Variants in PRKG1 observed in about 807,000 individuals in gnomAD.
The protein encoded by PRKG1 is cGMP-dependent protein kinase 1.
PRKG1 carries 35 observed loss-of-function variants against 88.1 expected under a neutral mutation model. The ratio of observed to expected loss-of-function variants is 0.40; its 90% confidence interval spans 0.30 to 0.53. PRKG1 has a LOEUF of 0.53. Ranked by LOEUF, PRKG1 falls within the 20% of genes least tolerant of loss-of-function variation. The pLI is 0.59. For synonymous variants in PRKG1, 303 were observed against 292.5 expected (o/e 1.04, Z -0.37); for missense variants, 540 against 839.8 (o/e 0.64, Z 4.41).
chr10:52,227,574 T>A (rs958761910), intron 9 of PRKG1, among the ~76,000 whole-genome samples: 3 of 152,144 alleles, frequency 2.0e-5, no homozygotes, highest in African/African-American at 7.2e-5. Flanking sequence ...CCATTTTATA[T>A]CAGGGACTTG....
chr10:51,298,065 C>A (rs1414323612), intron 2 of PRKG1, among the ~76,000 whole-genome samples: 2 of 152,056 alleles, frequency 1.3e-5, no homozygotes, highest in Non-Finnish European at 2.9e-5. Context: ...TAAGCACTTA[C>A]TATATTAGGC....
At chr10:51,322,107 A>G (rs919291469) in intron 2 of PRKG1, among the ~76,000 whole-genome samples, 6 of 152,146 alleles carry the variant, frequency 3.9e-5, no homozygotes, top group African/African-American at 1.4e-4. Context: ...AGGATTGTGC[A>G]ATTTCCACCT....
chr10:52,110,619 G>A (rs1158515973), intron 7 of PRKG1, among the ~76,000 whole-genome samples: 1 of 152,134 alleles, frequency 6.6e-6, no homozygotes, highest in East Asian at 1.9e-4. Flanking sequence ...GGGAGATCCA[G>A]TTTGCTTTTT....
chr10:51,416,465 C>G (rs943560701), intron 2 of PRKG1, among the ~76,000 whole-genome samples: 1 of 151,900 alleles, frequency 6.6e-6, no homozygotes, highest in Non-Finnish European at 1.5e-5. Context: ...ATTAAAGATC[C>G]GAAATAGTGT....
chr10:51,279,346 T>A (rs1020290862), intron 2 of PRKG1, among the ~76,000 whole-genome samples: 1 of 152,212 alleles, frequency 6.6e-6, no homozygotes, highest in Non-Finnish European at 1.5e-5. Context: ...CTGTTCTTTT[T>A]CATTTACTGA....
chr10:51,515,340 T>G (rs1841546735), intron 3 of PRKG1, among the ~76,000 whole-genome samples: 1 of 152,224 alleles, frequency 6.6e-6, no homozygotes, highest in Non-Finnish European at 1.5e-5. Flanking sequence ...TGGATCATTT[T>G]TATCGATAAA....
At chr10:51,720,465 G>A (rs10999076) in intron 3 of PRKG1, among the ~76,000 whole-genome samples, 67,285 of 152,072 alleles carry the variant, frequency 0.44, 15,498 homozygotes, top group Middle Eastern at 0.58. Flanking sequence ...GTCATGTCCT[G>A]TGCGAAGAGT....
At chr10:51,490,685 C>T (rs182207971) in intron 3 of PRKG1, among the ~76,000 whole-genome samples, 8 of 152,114 alleles carry the variant, frequency 5.3e-5, no homozygotes, top group African/African-American at 7.2e-5. Context: ...TTTCATAGAT[C>T]GTTCTGAAAA....
At chr10:51,530,268 G>T (rs1232636749) in intron 3 of PRKG1, among the ~76,000 whole-genome samples, 1 of 152,036 alleles carries the variant, frequency 6.6e-6, no homozygotes, top group Admixed American at 6.6e-5. Flanking sequence ...AATTTTCCTG[G>T]TATCTAAACA....
chr10:51,394,693 C>G (rs1837530755), intron 2 of PRKG1, among the ~76,000 whole-genome samples: 1 of 152,214 alleles, frequency 6.6e-6, no homozygotes, highest in Admixed American at 6.5e-5. Flanking sequence ...ATTTATTTCT[C>G]ATGCTTTACT....
chr10:51,578,868 T>C (rs770814713), intron 3 of PRKG1, among the ~76,000 whole-genome samples: 4 of 151,868 alleles, frequency 2.6e-5, no homozygotes, highest in Non-Finnish European at 4.4e-5. Context: ...GGACCAACCA[T>C]AGACCATATA....
At chr10:51,360,235 T>A (rs2132584982) in intron 2 of PRKG1, among the ~76,000 whole-genome samples, 1 of 152,002 alleles carries the variant, frequency 6.6e-6, no homozygotes, top group Non-Finnish European at 1.5e-5. Context: ...CACTGTTACA[T>A]TATGCAGCAT....
chr10:51,677,037 A>T (rs905840081), intron 3 of PRKG1, among the ~76,000 whole-genome samples: 2 of 152,072 alleles, frequency 1.3e-5, no homozygotes, highest in Non-Finnish European at 2.9e-5. Flanking sequence ...GTGCCCTCCC[A>T]ATAATTACCC....
At chr10:51,356,744 A>T (rs1842373634) in intron 2 of PRKG1, among the ~76,000 whole-genome samples, 1 of 151,952 alleles carries the variant, frequency 6.6e-6, no homozygotes, top group South Asian at 2.1e-4. Flanking sequence ...ATAAACTTTA[A>T]ATAAATGCTT....
chr10:51,389,886 C>T (rs1013530035), intron 2 of PRKG1, among the ~76,000 whole-genome samples: 3 of 152,064 alleles, frequency 2.0e-5, no homozygotes, highest in Non-Finnish European at 4.4e-5. Context: ...ATGGAGGGCT[C>T]CCAGAAGGTT....
chr10:52,092,069 G>A (rs533515331), intron 7 of PRKG1, among the ~76,000 whole-genome samples: 3 of 152,246 alleles, frequency 2.0e-5, no homozygotes, highest in East Asian at 3.9e-4. Flanking sequence ...TGAGCACTTA[G>A]TATTTAACTT....
chr10:51,856,966 TAAAAAAAAGAAAA>T lies in PRKG1; in HGVS notation c.699-50532_699-50520del, dbSNP rs1468675267. Among the ~76,000 whole-genome samples the T allele has an allele frequency of 4.5e-3, 435 of 96,792 alleles. 9 individuals are homozygous for T. The highest frequency in any genetic ancestry group is 0.041 in the Admixed American group (419 of 10,228). 63.5% of individuals were successfully genotyped at this position (96,792 alleles called of 152,430 possible). A position where few individuals can be genotyped will look rare whatever the true frequency, so the allele number is the denominator to read the frequency against. ...GCGACAGAGCGAGACTCCGTCTTAC[TAAAAAAAAGAAAA>T]AAAAAAAAAGAAAGAAAGTAAAAAG... On this transcript the variant is annotated intron_variant, in intron 4 of 17. Transcript: ENST00000373980.
chr10:51,360,832 A>ATGAGCAGGCAACACATTTCATGG (rs1842464224), intron 2 of PRKG1, among the ~76,000 whole-genome samples: 1 of 151,906 alleles, frequency 6.6e-6, no homozygotes, highest in Non-Finnish European at 1.5e-5. Flanking sequence ...ACATTTCATG[A>ATGAGCAGGCAACACATTTCATGG]TAAGCTATGG....
chr10:52,289,096 C>T, intron 16 of PRKG1, 103 bp downstream of exon 16: 1 of 1,093,132 alleles, frequency 9.1e-7, no homozygotes, highest in Non-Finnish European at 1.3e-6. Context: ...CCTATAGGAA[C>T]ATCCAAAGAC....
Sources: gnomAD v4.1 joint callset for allele counts (sites outside exome capture counted in the v4.1 genomes callset) on GRCh38, gnomAD v4.1.1 for gene constraint, MANE v1.5 for transcripts, NCBI Gene and HGNC (gene_info 2026-07-23, HGNC 2026-07-21) for gene names.